The following DENND2B variants were observed in gnomAD, a reference collection of about 807,000 sequenced individuals.
DENND2B encodes the protein DENN domain containing 2B.
DENND2B carries 32 observed loss-of-function variants against 116.0 expected under a neutral mutation model. That is an observed-to-expected ratio of 0.28 (90% CI 0.21 to 0.37). The LOEUF (loss-of-function observed/expected upper bound fraction) is 0.37. Among genes scored for constraint, DENND2B ranks in the 10% least tolerant of loss-of-function variants. The pLI is 1.00. For missense variants in DENND2B, 1,276 were observed against 1,477.7 expected, an observed-to-expected ratio of 0.86 and a Z score of 2.24; for synonymous variants, 588 against 583.9, an observed-to-expected ratio of 1.01 and a Z score of -0.10.
chr11:8,864,968 C>T (rs924595493), intron 2 of DENND2B, among the ~76,000 whole-genome samples: 1 of 152,218 alleles, frequency 6.6e-6, no homozygotes, highest in African/African-American at 2.4e-5. Flanking sequence ...CCCAAAGTGA[C>T]CCCTGCCTAC....
chr11:8,698,137 CAAAAAAAAAAAAAAAAAA>C (rs33975736), intron 16 of DENND2B, among the ~76,000 whole-genome samples: 143 of 39,826 alleles, frequency 3.6e-3, no homozygotes, highest in Non-Finnish European at 5.3e-3. Context: ...ACCCTGTCTC[CAAAAAAAAAAAAAAAAAA>C]AAAAAAAAAA....
In DENND2B at chr11:8,858,336, A is replaced by G. The variant is rs531653044; in HGVS notation, c.-249-900T>C. 4.6e-4 allele frequency among the ~76,000 whole-genome samples: 70 copies of G among 152,316 alleles called. 1 individual carries two copies. Among genetic ancestry groups the G allele is most frequent in the African/African-American group, 1.6e-3 (67 of 41,570 alleles). ...ATTTATTTGGGAAAGCAGACAGGAA[A>G]AACACAGAAATATGTAATATAATTT... is the stretch of plus-strand genomic sequence containing the variant. On this transcript the variant is annotated intron_variant, in intron 2 of 6. Transcript: ENST00000524757.
At chr11:8,797,720 G>A (rs1269129481) in intron 1 of DENND2B, among the ~76,000 whole-genome samples, 1 of 151,976 alleles carries the variant, frequency 6.6e-6, no homozygotes, top group Non-Finnish European at 1.5e-5. Flanking sequence ...AAAGTGTGGG[G>A]GTTACAGGCA....
At chr11:8,828,012 A>T (rs1343607750) in intron 4 of DENND2B, among the ~76,000 whole-genome samples, 1 of 152,108 alleles carries the variant, frequency 6.6e-6, no homozygotes, top group East Asian at 1.9e-4. Context: ...TGTGGAGGAG[A>T]CAGGGACAAA....
At chr11:8,863,195 G>A (rs2063458594) in intron 2 of DENND2B, among the ~76,000 whole-genome samples, 1 of 150,276 alleles carries the variant, frequency 6.7e-6, no homozygotes, top group Non-Finnish European at 1.5e-5. Context: ...ATTTTAAATG[G>A]CCCTCTGAAA....
chr11:8,825,165 T>C (rs551006538), intron 4 of DENND2B, among the ~76,000 whole-genome samples: 149 of 152,332 alleles, frequency 9.8e-4, no homozygotes, highest in Non-Finnish European at 1.8e-3. Context: ...TTCCTTTTTC[T>C]CCACAACCTT....
upstream of DENND2B, among the ~76,000 whole-genome samples, chr11:8,812,374 T>C (rs2061419284): frequency 6.6e-6 from 1 of 152,116 alleles, no homozygotes; most frequent in African/African-American, 2.4e-5. Context: ...AGCCCTACCC[T>C]ACAGCTATAT....
intron 1 of DENND2B, among the ~76,000 whole-genome samples, chr11:8,889,630 G>C (rs1283768167): frequency 1.3e-5 from 2 of 152,216 alleles, no homozygotes; most frequent in Admixed American, 1.3e-4. Context: ...CATGTCCATG[G>C]AGCCTGGCTC....
chr11:8,894,087 A>T (rs1369596751), intron 1 of DENND2B, among the ~76,000 whole-genome samples: 2 of 152,160 alleles, frequency 1.3e-5, no homozygotes, highest in African/African-American at 4.8e-5. Context: ...CCTCAGAAAT[A>T]ATACCAGACA....
At chr11:8,697,214 C>T (rs1055914595) in intron 17 of DENND2B, among the ~76,000 whole-genome samples, 4 of 152,250 alleles carry the variant, frequency 2.6e-5, no homozygotes, top group African/African-American at 9.6e-5. Flanking sequence ...TCATATCCCT[C>T]ACCCTAAGTG....
At chr11:8,807,227 AAGAGG>A (rs1465023330) in intron 1 of DENND2B, among the ~76,000 whole-genome samples, 1 of 152,222 alleles carries the variant, frequency 6.6e-6, no homozygotes, top group Non-Finnish European at 1.5e-5. Flanking sequence ...GTTAACAGCT[AAGAGG>A]AGTGACAGGA....
chr11:8,811,187 A>T (rs376391230), upstream of DENND2B: 1 of 398,136 alleles, frequency 2.5e-6, no homozygotes, highest in East Asian at 3.6e-5. Flanking sequence ...TCCGGGCAGC[A>T]GTTGGGGCGG....
At chr11:8,783,548 C>G (rs1303245786) in intron 1 of DENND2B, among the ~76,000 whole-genome samples, 2 of 151,918 alleles carry the variant, frequency 1.3e-5, no homozygotes, top group Non-Finnish European at 2.9e-5. Flanking sequence ...GAAGAAGATC[C>G]CAAAGGACAA....
chr11:8,859,409 G>T (rs558869601), intron 2 of DENND2B, among the ~76,000 whole-genome samples: 1 of 152,056 alleles, frequency 6.6e-6, no homozygotes, highest in African/African-American at 2.4e-5. Context: ...CCGGGTTCAC[G>T]CCATTCTCCT....
chr11:8,854,016 A>ATTTTTTTTTTTTTTTTTTTTTTTTTT (rs71059187), intron 3 of DENND2B, among the ~76,000 whole-genome samples: 1 of 62,776 alleles, frequency 1.6e-5, no homozygotes, highest in Non-Finnish European at 2.8e-5. Flanking sequence ...GCCCCAGTTA[A>ATTTTTTTTTTTTTTTTTTTTTTTTTT]TTTTTTTTTT....
intron 2 of DENND2B, among the ~76,000 whole-genome samples, chr11:8,861,136 T>G (rs996481801): frequency 6.6e-6 from 1 of 152,034 alleles, no homozygotes; most frequent in African/African-American, 2.4e-5. Flanking sequence ...ACAAAGAATT[T>G]ATGACTAAGA....
At chr11:8,858,672 T>C (rs982049390) in intron 2 of DENND2B, among the ~76,000 whole-genome samples, 3 of 152,104 alleles carry the variant, frequency 2.0e-5, no homozygotes, top group South Asian at 2.1e-4. Flanking sequence ...TATATTCTCA[T>C]TGCTATGTGG....
At chr11:8,899,261 A>T (rs899552686) in intron 1 of DENND2B, among the ~76,000 whole-genome samples, 1 of 151,312 alleles carries the variant, frequency 6.6e-6, no homozygotes, top group East Asian at 1.9e-4. Flanking sequence ...AGAGTCCCAG[A>T]AAAAGAAGAG....
At position 8,891,023 on chromosome 11, in the gene DENND2B, T is replaced by C. The variant is rs536058537; in HGVS notation, c.-255-9914A>G. ...CAGGTTACCCTCAAAGTGAAGCCCA[T>C]CAGACTAACAGTGGATCTCTTGGTA... On this transcript the variant is annotated intron_variant, in intron 1 of 22. Transcript: ENST00000534127. Among the ~76,000 whole-genome samples, 5 of 152,316 alleles carry C rather than the reference T, an allele frequency of 3.3e-5. No homozygotes were observed. In the East Asian group the frequency reaches 9.6e-4, roughly 29 times the overall value.
Sources: allele counts gnomAD v4.1 joint callset (sites outside exome capture counted in the v4.1 genomes callset), GRCh38; gene constraint gnomAD v4.1.1; transcripts MANE v1.5; gene names NCBI Gene and HGNC (gene_info 2026-07-23, HGNC 2026-07-21).